Variants in DLC1 observed in about 807,000 individuals in gnomAD.
The protein encoded by DLC1 is rho GTPase-activating protein 7.
A neutral mutation model predicts 140.3 loss-of-function variants in DLC1; 54 were observed. That is an observed-to-expected ratio of 0.38 (90% CI 0.31 to 0.48). The LOEUF (loss-of-function observed/expected upper bound fraction) is 0.48. Among genes scored for constraint, DLC1 ranks in the 20% least tolerant of loss-of-function variants. The pLI is 0.96. For synonymous variants in DLC1, 986 were observed against 728.1 expected, an observed-to-expected ratio of 1.35 and a Z score of -5.70; for missense variants, 2,536 against 1,907.0, an observed-to-expected ratio of 1.33 and a Z score of -6.14.
chr8:13,598,069 G>T (rs112834028), intron 1 of DLC1, among the ~76,000 whole-genome samples: 10 of 151,738 alleles, frequency 6.6e-5, no homozygotes, highest in African/African-American at 2.2e-4. Flanking sequence ...ACGCCACTAG[G>T]CTTCAGTTTT....
intron 5 of DLC1, among the ~76,000 whole-genome samples, chr8:13,297,614 G>T (rs1832017377): frequency 6.6e-6 from 1 of 152,100 alleles, no homozygotes; most frequent in Non-Finnish European, 1.5e-5. Flanking sequence ...TGTTTTTAAG[G>T]TGTTCACAGC....
At chr8:13,451,048 AAAAAAAAAAAAAAAAAAAAAG>A (rs1799022165) in intron 2 of DLC1, among the ~76,000 whole-genome samples, 1 of 146,268 alleles carries the variant, frequency 6.8e-6, no homozygotes, top group Admixed American at 6.8e-5. Context: ...AAAAAAAAAA[AAAAAAAAAAAAAAAAAAAAAG>A]AAAAAAAGAA....
At chr8:13,352,378 G>A (rs981129260) in intron 4 of DLC1, among the ~76,000 whole-genome samples, 2 of 151,684 alleles carry the variant, frequency 1.3e-5, no homozygotes, top group African/African-American at 4.8e-5. Context: ...ATTTTTTTAC[G>A]AGATGGGGTC....
chr8:13,525,889 T>C (rs1206363893), intron 1 of DLC1, among the ~76,000 whole-genome samples: 3 of 152,212 alleles, frequency 2.0e-5, no homozygotes, highest in African/African-American at 7.2e-5. Flanking sequence ...GGCAAAAAGA[T>C]CTCTGCCTAA....
chr8:13,139,288 C>CAAAAAAAAAAAAAAAAAA (rs67684524), intron 5 of DLC1, among the ~76,000 whole-genome samples: 9 of 49,284 alleles, frequency 1.8e-4, no homozygotes, highest in Non-Finnish European at 2.6e-4. Flanking sequence ...GACCCTGTCT[C>CAAAAAAAAAAAAAAAAAA]AAAAAAAAAA....
chr8:13,319,439 A>C (rs1245379653), intron 4 of DLC1, among the ~76,000 whole-genome samples: 1 of 140,330 alleles, frequency 7.1e-6, no homozygotes, highest in Admixed American at 7.5e-5. Flanking sequence ...TCGAATTGTA[A>C]TCCCCAGTGC....
At position 13,099,498 on chromosome 8, in the gene DLC1, G is replaced by C; in HGVS notation, c.2839C>G (p.Pro947Ala). 1 of 1,614,158 alleles carries C rather than the reference G, an allele frequency of 6.2e-7. No individual in the cohort carries two copies. Among genetic ancestry groups the C allele is most frequent in the Non-Finnish European group, 8.5e-7 (1 of 1,180,028 alleles). ...LDSVSPCPSS[P>A]KQIHLDVDND... is the part of the protein sequence containing the mutation. Reference sequence around the variant, plus strand: ...TCCACATCCAGGTGTATCTGTTTTGGAGAGGACGGGCAGGGAGAGACCGAG... The same window carrying C: ...TCCACATCCAGGTGTATCTGTTTTGCAGAGGACGGGCAGGGAGAGACCGAG... Residue 947 changes from proline to alanine, a missense_variant, in exon 9 of 18, where the codon CCA (proline) becomes GCA (alanine). Pro to Ala is a conservative substitution (Grantham distance 27). Transcript: ENST00000276297.
chr8:13,093,298 G>C (rs1818239617), intron 12 of DLC1, among the ~76,000 whole-genome samples: 1 of 152,084 alleles, frequency 6.6e-6, no homozygotes, highest in Non-Finnish European at 1.5e-5. Flanking sequence ...CAGTATCTCT[G>C]GAGATTTGCA....
At chr8:13,316,190 C>T (rs935709594) in intron 4 of DLC1, among the ~76,000 whole-genome samples, 5 of 152,120 alleles carry the variant, frequency 3.3e-5, no homozygotes, top group Middle Eastern at 3.2e-3. Context: ...TCCCTACCAG[C>T]CACTTGATCT....
rs368466904 is a variant in DLC1, at chr8:13,447,762, G to A, written c.1024-46143C>T. On this transcript the variant is annotated intron_variant, in intron 2 of 17. Transcript: ENST00000276297. ...TATGCTGGAGTATGAGGTGTTATTA[G>A]TGTTGTTCTTTATTTTTATTGTTTG... 1.2e-4 allele frequency among the ~76,000 whole-genome samples: 18 copies of A among 152,272 alleles called. No individual in the cohort carries two copies. The East Asian group carries it at 1.7e-3, about 15-fold the overall frequency.
In DLC1 at chr8:13,499,147, T is replaced by C; in HGVS notation, c.925A>G (p.Lys309Glu). Residue 309 changes from lysine (K) to glutamate (E), a missense_variant, in exon 2 of 18, where the codon AAG (lysine) becomes GAG (glutamate). Transcript: ENST00000276297. ...TGCATGCCATCTTCTGCCTTGACCT[T>C]TGGTGGACTTTTGTTTTGATGTTGT... ...FSQHQNKSPPKVKAEDGMQCL... is the reference protein window; with the variant it reads ...FSQHQNKSPPEVKAEDGMQCL... The C allele has an allele frequency of 6.2e-7, 1 of 1,614,166 alleles. No individual in the cohort carries two copies. The highest frequency in any genetic ancestry group is 1.1e-5 in the South Asian group (1 of 91,084).
chr8:13,435,896 A>G (rs371915174), intron 2 of DLC1, among the ~76,000 whole-genome samples: 5 of 152,332 alleles, frequency 3.3e-5, no homozygotes, highest in Non-Finnish European at 7.3e-5. Flanking sequence ...AGAAATTGCC[A>G]TGGCCATTCC....
At chr8:13,428,944 ATC>A (rs1025596742) in intron 2 of DLC1, among the ~76,000 whole-genome samples, 3 of 152,336 alleles carry the variant, frequency 2.0e-5, no homozygotes, top group African/African-American at 7.2e-5. Flanking sequence ...AGAAGGCATA[ATC>A]TCTGCCTAAA....
chr8:13,130,205 C>T (rs1275017657), intron 5 of DLC1, among the ~76,000 whole-genome samples: 3 of 152,180 alleles, frequency 2.0e-5, no homozygotes, highest in African/African-American at 7.2e-5. Flanking sequence ...CAAGGGAAAC[C>T]CAAGTACTTA....
In DLC1 at chr8:13,499,073, G is replaced by A. The variant is rs986617376; in HGVS notation, c.999C>T (p.Asn333=). The change falls in exon 2 of 18, where the codon AAC becomes AAT. Residue 333 remains asparagine (N), a synonymous_variant. Coordinates refer to ENST00000276297, the MANE Select transcript of DLC1 (RefSeq NM_182643.3). ...CCTTTCTCTTACGAAGTCTGACTTGGTTATCTGTGGGTTCCTGGGTGGCCA... is the reference window on the plus strand; with the variant it reads ...CCTTTCTCTTACGAAGTCTGACTTGATTATCTGTGGGTTCCTGGGTGGCCA... ...ETLATQEPTD[N]QVRLRKRKEI... is the part of the protein sequence containing the mutation. The A allele has an allele frequency of 5.6e-6, 9 of 1,612,360 alleles. No individual in the cohort carries two copies. Among genetic ancestry groups the A allele is most frequent in the Admixed American group, 5.0e-5 (3 of 59,732 alleles).
intron 1 of DLC1, among the ~76,000 whole-genome samples, chr8:13,577,116 A>G (rs12548624): frequency 0.25 from 38,359 of 151,990 alleles, 5,064 homozygotes; most frequent in East Asian, 0.45. Context: ...TTCTTTCTAC[A>G]TTTAAGAACA....
intron 4 of DLC1, among the ~76,000 whole-genome samples, chr8:13,343,600 T>C (rs1282194366): frequency 6.6e-6 from 1 of 152,174 alleles, no homozygotes; most frequent in Non-Finnish European, 1.5e-5. Flanking sequence ...TTATCCCCAT[T>C]TTGTCCATAA....
chr8:13,482,111 C>G (rs941875631), intron 2 of DLC1, among the ~76,000 whole-genome samples: 5 of 152,054 alleles, frequency 3.3e-5, no homozygotes, highest in African/African-American at 7.2e-5. Context: ...TTTAAGCATG[C>G]AATTTAAGGT....
At chr8:13,321,461 C>A (rs1833108874) in intron 4 of DLC1, among the ~76,000 whole-genome samples, 1 of 142,896 alleles carries the variant, frequency 7.0e-6, no homozygotes, top group South Asian at 2.3e-4. Context: ...TCGCTTGAAC[C>A]CAGGAGGCAG....
Sources: gnomAD v4.1 joint callset for allele counts (sites outside exome capture counted in the v4.1 genomes callset) on GRCh38, gnomAD v4.1.1 for gene constraint, MANE v1.5 for transcripts, NCBI Gene and HGNC (gene_info 2026-07-23, HGNC 2026-07-21) for gene names.